The following CLEC16A variants were observed in gnomAD, a reference collection of about 807,000 sequenced individuals.
CLEC16A encodes the protein C-type lectin domain containing 16A.
CLEC16A carries 51 observed loss-of-function variants against 109.5 expected under a neutral mutation model. That is an observed-to-expected ratio of 0.47 (90% CI 0.37 to 0.59). CLEC16A has a LOEUF of 0.59. CLEC16A is among the 20% of genes least tolerant of loss of function. The pLI, the probability that CLEC16A is intolerant of heterozygous loss-of-function variation, is 0.00. For missense variants in CLEC16A, 1,339 were observed against 1,394.0 expected (o/e 0.96, Z 0.63); for synonymous variants, 673 against 564.2 (o/e 1.19, Z -2.73).
At chr16:10,977,437 A>G in intron 8 of CLEC16A, 38 bp downstream of exon 8, 2 of 1,586,262 alleles carry the variant, frequency 1.3e-6, no homozygotes, top group Non-Finnish European at 8.6e-7. Context: ...GCTGAAGGCC[A>G]TCAGAAGTGG....
intron 23 of CLEC16A, among the ~76,000 whole-genome samples, chr16:11,167,142 C>T (rs114816810): frequency 4.5e-4 from 68 of 152,274 alleles, no homozygotes; most frequent in African/African-American, 1.5e-3. Context: ...GGGACATGCA[C>T]CAGCTCCTCG....
At chr16:11,098,879 G>T (rs922769246) in intron 19 of CLEC16A, among the ~76,000 whole-genome samples, 1 of 152,230 alleles carries the variant, frequency 6.6e-6, no homozygotes, top group African/African-American at 2.4e-5. Flanking sequence ...CAGGCAGTGA[G>T]CAGGTCAGAC....
intron 11 of CLEC16A, among the ~76,000 whole-genome samples, chr16:11,003,689 C>T (rs1385417368): frequency 6.6e-6 from 1 of 152,160 alleles, no homozygotes; most frequent in Non-Finnish European, 1.5e-5. Flanking sequence ...TTCGATGCTG[C>T]AGAAGTGTTC....
At chr16:11,008,809 T>C (rs1597020964) in intron 11 of CLEC16A, among the ~76,000 whole-genome samples, 1 of 129,174 alleles carries the variant, frequency 7.7e-6, no homozygotes, top group South Asian at 2.5e-4. Flanking sequence ...GCCAACACAG[T>C]GACACCCCGT....
intron 10 of CLEC16A, among the ~76,000 whole-genome samples, chr16:11,000,561 G>C (rs13337334): frequency 0.25 from 38,079 of 151,964 alleles, 4,946 homozygotes; most frequent in Non-Finnish European, 0.29. Flanking sequence ...GGCTGCATTC[G>C]ATCACCCGGC....
intron 19 of CLEC16A, among the ~76,000 whole-genome samples, chr16:11,107,200 C>T (rs1375803080): frequency 6.6e-6 from 1 of 152,100 alleles, no homozygotes; most frequent in Admixed American, 6.5e-5. Flanking sequence ...TATCTACATA[C>T]CTCATTGCTG....
Position 11,126,133 on chromosome 16 carries a change from G to A in CLEC16A, c.2628G>A (p.Val876=). The part of the protein sequence containing the change: ...PTVQRSVFAS[V]DKVPGFAVAQ... ...TGCAGCGCTCCGTGTTTGCATCGGT[G>A]GACAAGGTGCCAGGTGAGCCAGCCC... Residue 876 remains valine (V), a synonymous_variant, in exon 22 of 24, where the codon GTG becomes GTA. Coordinates refer to ENST00000409790, the MANE Select transcript of CLEC16A (RefSeq NM_015226.3). The A allele has an allele frequency of 6.2e-7, 1 of 1,613,808 alleles. No individual in the cohort carries two copies. The highest frequency in any genetic ancestry group is 8.5e-7 in the Non-Finnish European group (1 of 1,179,872).
At chr16:11,049,478 T>TTTTGTTTG (rs59518471) in intron 17 of CLEC16A, among the ~76,000 whole-genome samples, 13,761 of 151,000 alleles carry the variant, frequency 0.091, 2,191 homozygotes, top group African/African-American at 0.32. Flanking sequence ...TCCCAGGTTT[T>TTTTGTTTG]TTTGTTTGTT....
intron 23 of CLEC16A, among the ~76,000 whole-genome samples, chr16:11,167,565 C>G (rs1160053551): frequency 1.3e-5 from 2 of 152,196 alleles, no homozygotes; most frequent in African/African-American, 4.8e-5. Flanking sequence ...GGCACCTACA[C>G]CTCTCTCTTG....
intron 22 of CLEC16A, among the ~76,000 whole-genome samples, chr16:11,132,019 C>T (rs77671935): frequency 0.025 from 3,795 of 152,308 alleles, 62 homozygotes; most frequent in Middle Eastern, 0.044. Flanking sequence ...AGGGGCCTTC[C>T]CTGAGTGCCC....
At chr16:10,968,780 T>C (rs529514087) in intron 3 of CLEC16A, among the ~76,000 whole-genome samples, 20 of 152,306 alleles carry the variant, frequency 1.3e-4, no homozygotes, top group African/African-American at 4.6e-4. Flanking sequence ...TGATTTGTGA[T>C]GGCAGAAGGG....
At chr16:11,017,490 C>T (rs9935174) in intron 11 of CLEC16A, among the ~76,000 whole-genome samples, 74,576 of 152,014 alleles carry the variant, frequency 0.49, 19,574 homozygotes, top group African/African-American at 0.69. Context: ...TATGGAGATA[C>T]GCGAAGACGT....
intron 4 of CLEC16A, 60 bp downstream of exon 4, chr16:10,969,369 T>G (rs1027535309): frequency 2.3e-6 from 3 of 1,316,528 alleles, no homozygotes; most frequent in Non-Finnish European, 3.1e-6. Flanking sequence ...TTTTTTTTTT[T>G]TTTTTACGGC....
rs143024963 is a variant in CLEC16A at position 11,053,278 on chromosome 16, A to G, written c.1995+1637A>G. Reference sequence around the variant, plus strand: ...ATAGCCTCTGTTATGAAGTAGATCAATTCAAATCAGTTCTTTATGTGAATT... The same window carrying G: ...ATAGCCTCTGTTATGAAGTAGATCAGTTCAAATCAGTTCTTTATGTGAATT... On this transcript the variant is annotated intron_variant, in intron 18 of 23. Transcript: ENST00000409790. 1.5e-3 allele frequency among the ~76,000 whole-genome samples: 232 copies of G among 152,312 alleles called. 5 individuals are homozygous for G. The East Asian group carries it at 0.037, about 24-fold the overall frequency.
intron 21 of CLEC16A, 103 bp downstream of exon 21, chr16:11,124,049 G>C: frequency 9.8e-7 from 1 of 1,015,406 alleles, no homozygotes; most frequent in Non-Finnish European, 1.4e-6. Flanking sequence ...CATAGAAGAA[G>C]ACACGTATGA....
rs1186503803 is a variant in CLEC16A at position 11,142,968 on chromosome 16, G to A, written c.2641+16822G>A. On this transcript the variant is annotated intron_variant, in intron 22 of 23. Transcript: ENST00000409790. Reference sequence around the variant, plus strand: ...TGAGATTACAGGCGCCTGCCACCACGCCTAGCTAATTTTTGTATTTTTAGT... The same window carrying A: ...TGAGATTACAGGCGCCTGCCACCACACCTAGCTAATTTTTGTATTTTTAGT... Among the ~76,000 whole-genome samples the A allele has an allele frequency of 8.5e-5, 13 of 152,060 alleles. 1 individual carries two copies. The highest frequency in any genetic ancestry group is 4.1e-4 in the South Asian group (2 of 4,822).
At chr16:10,974,883 T>G (rs1041859545) in intron 7 of CLEC16A, among the ~76,000 whole-genome samples, 1 of 152,240 alleles carries the variant, frequency 6.6e-6, no homozygotes, top group African/African-American at 2.4e-5. Flanking sequence ...TACTGATAAC[T>G]ACTTGTGGGG....
rs888478811 is a variant in CLEC16A, at chr16:11,014,842, G to A, written c.1304-5351G>A. ...ACAGGGACAATTGGAGTTGGGGCCC[G>A]GAGTGGCACAGAACCGTGCCAACTT... On this transcript the variant is annotated intron_variant, in intron 11 of 23. Transcript: ENST00000409790. Among the ~76,000 whole-genome samples, 9 of 152,222 alleles carry A rather than the reference G, an allele frequency of 5.9e-5. 1 individual carries two copies. The East Asian group carries it at 1.3e-3, about 23-fold the overall frequency.
intron 22 of CLEC16A, among the ~76,000 whole-genome samples, chr16:11,138,990 T>G (rs1465198316): frequency 6.8e-6 from 1 of 146,868 alleles, no homozygotes; most frequent in African/African-American, 2.4e-5. Flanking sequence ...CCAATTTGAC[T>G]GAGGGAGTGG....
Sources: allele counts gnomAD v4.1 joint callset (sites outside exome capture counted in the v4.1 genomes callset), GRCh38; gene constraint gnomAD v4.1.1; transcripts MANE v1.5; gene names NCBI Gene and HGNC (gene_info 2026-07-23, HGNC 2026-07-21).